Variants in TRPC5 observed in about 807,000 individuals in gnomAD.
TRPC5 encodes the protein transient receptor potential cation channel subfamily C member 5.
TRPC5 carries 9 observed loss-of-function variants against 56.5 expected under a neutral mutation model. The ratio of observed to expected loss-of-function variants is 0.16; its 90% CI spans 0.10 to 0.28. TRPC5 has a LOEUF of 0.28. Among genes scored for constraint, TRPC5 ranks in the 10% least tolerant of loss-of-function variants. TRPC5 has a pLI of 1.00. For synonymous variants in TRPC5, 282 were observed against 278.5 expected (o/e 1.01, Z -0.13); for missense variants, 469 against 748.9 (o/e 0.63, Z 4.36).
intron 1 of TRPC5, among the ~76,000 whole-genome samples, chrX:112,079,349 T>C (rs1398698682): frequency 8.9e-6 from 1 of 112,204 alleles, no homozygotes; most frequent in Non-Finnish European, 1.9e-5. Flanking sequence ...AGCACCTGAA[T>C]GGCTTGCAGA....
At chrX:111,795,797 CT>C (rs1921069694) in intron 7 of TRPC5, among the ~76,000 whole-genome samples, 2 of 111,541 alleles carry the variant, frequency 1.8e-5, no homozygotes, top group Admixed American at 1.9e-4. Flanking sequence ...TTCAAATATT[CT>C]TTCTTCCCAT....
chrX:111,922,485 T>C (rs1399185293), intron 2 of TRPC5, among the ~76,000 whole-genome samples: 2 of 112,399 alleles, frequency 1.8e-5, no homozygotes, highest in Non-Finnish European at 3.8e-5. Context: ...AAGGAACGTG[T>C]GGAAATGAAA....
intron 3 of TRPC5, among the ~76,000 whole-genome samples, chrX:111,856,034 G>A (rs1603058865): frequency 1.8e-5 from 2 of 111,689 alleles, no homozygotes; most frequent in Non-Finnish European, 3.8e-5. Flanking sequence ...GGCTAGGTGT[G>A]GGAGAGGAAA....
chrX:112,017,304 C>G (rs1254666933), intron 1 of TRPC5, among the ~76,000 whole-genome samples: 1 of 111,185 alleles, frequency 9.0e-6, no homozygotes, highest in South Asian at 3.8e-4. Flanking sequence ...TGAGCCACCG[C>G]GCCCAGCCAC....
chrX:111,860,506 G>C (rs1461729620), intron 3 of TRPC5, among the ~76,000 whole-genome samples: 4 of 111,907 alleles, frequency 3.6e-5, no homozygotes, highest in Non-Finnish European at 5.6e-5. Context: ...ACCTACATTT[G>C]AGAGCATTTG....
chrX:112,070,347 C>T (rs1003947761), intron 1 of TRPC5, among the ~76,000 whole-genome samples: 15 of 111,412 alleles, frequency 1.3e-4, no homozygotes, highest in Non-Finnish European at 2.1e-4. Flanking sequence ...CCGCCAAGTT[C>T]GATTTTCCAA....
intron 7 of TRPC5, among the ~76,000 whole-genome samples, chrX:111,826,749 A>G (rs1922249129): frequency 8.9e-6 from 1 of 112,234 alleles, no homozygotes. Context: ...TGTTTTCTTA[A>G]GAGATGGCTC....
chrX:111,902,176 A>G (rs1184467204), intron 3 of TRPC5: 10 of 1,117,785 alleles, frequency 8.9e-6, no homozygotes, highest in Non-Finnish European at 1.2e-5. Context: ...ATGACTTAAC[A>G]GGTGACTAAG....
chrX:111,880,384 G>A (rs376936179), intron 3 of TRPC5, among the ~76,000 whole-genome samples: 1 of 112,295 alleles, frequency 8.9e-6, no homozygotes, highest in East Asian at 2.8e-4. Flanking sequence ...TTCTAGTTCT[G>A]GTGCCCAGAT....
At chrX:111,821,489 C>T (rs763554834) in intron 7 of TRPC5, among the ~76,000 whole-genome samples, 93 of 111,576 alleles carry the variant, frequency 8.3e-4, no homozygotes, top group Middle Eastern at 9.2e-3. Flanking sequence ...ATCTTTGATG[C>T]TCCACTGGGT....
chrX:111,786,210 G>A (rs973936963), intron 7 of TRPC5, among the ~76,000 whole-genome samples: 8 of 111,468 alleles, frequency 7.2e-5, no homozygotes, highest in Non-Finnish European at 1.3e-4. Context: ...GACTAACAAC[G>A]GACCTCTCGG....
intron 7 of TRPC5, among the ~76,000 whole-genome samples, chrX:111,804,792 C>T (rs894051911): frequency 2.7e-5 from 3 of 111,715 alleles, no homozygotes; most frequent in African/African-American, 9.8e-5. Context: ...ATGTCATCTG[C>T]AAAGACACAC....
chrX:111,778,720 A>T (rs565287158), intron 10 of TRPC5, among the ~76,000 whole-genome samples: 4 of 111,956 alleles, frequency 3.6e-5, no homozygotes, highest in African/African-American at 1.3e-4. Context: ...TAAAGCATTC[A>T]ATTTCCACAC....
At chrX:112,053,699 T>G (rs1930273211) in intron 1 of TRPC5, among the ~76,000 whole-genome samples, 1 of 110,781 alleles carries the variant, frequency 9.0e-6, no homozygotes, top group South Asian at 3.9e-4. Context: ...AGAAAGCATG[T>G]GTGTTTGTGT....
intron 1 of TRPC5, among the ~76,000 whole-genome samples, chrX:111,988,041 T>G (rs1288754100): frequency 8.9e-6 from 1 of 112,841 alleles, no homozygotes; most frequent in Non-Finnish European, 1.9e-5. Context: ...GATTTATGTA[T>G]AGCAATATAA....
intron 10 of TRPC5, among the ~76,000 whole-genome samples, chrX:111,777,924 G>A (rs751426627): frequency 8.9e-6 from 1 of 112,565 alleles, no homozygotes; most frequent in Non-Finnish European, 1.9e-5. Flanking sequence ...ATATAAAATT[G>A]TTCATCACCC....
At chrX:112,056,388 A>G (rs1930342364) in intron 1 of TRPC5, among the ~76,000 whole-genome samples, 1 of 112,546 alleles carries the variant, frequency 8.9e-6, no homozygotes, top group Non-Finnish European at 1.9e-5. Context: ...CTTAAAAGAA[A>G]TGCATTTTAA....
chrX:111,911,622 C>T (rs1925819871), intron 3 of TRPC5, among the ~76,000 whole-genome samples: 1 of 112,309 alleles, frequency 8.9e-6, no homozygotes, highest in African/African-American at 3.2e-5. Context: ...GAAATCAAAG[C>T]CTCACCTGTG....
Position 111,783,792 on chromosome X carries a change from A to G in TRPC5, c.1897-1654T>C, listed in dbSNP as rs777938476. Among the ~76,000 whole-genome samples the G allele has an allele frequency of 7.2e-5, 8 of 111,229 alleles. No homozygotes were observed. In the South Asian group the frequency reaches 2.6e-3, roughly 37 times the overall value. On this transcript the variant is annotated intron_variant, in intron 7 of 10. Coordinates refer to ENST00000262839, the MANE Select transcript of TRPC5 (RefSeq NM_012471.3). ...TCAAAATTATCATGTTTATAAAACT[A>G]TCCATTTTTTCATAGATTGTGCTTT...
Sources: gnomAD v4.1 joint callset for allele counts (sites outside exome capture counted in the v4.1 genomes callset) on GRCh38, gnomAD v4.1.1 for gene constraint, MANE v1.5 for transcripts, NCBI Gene and HGNC (gene_info 2026-07-23, HGNC 2026-07-21) for gene names.